The following PPM1H variants were observed in gnomAD, a reference collection of about 807,000 sequenced individuals.
PPM1H encodes protein phosphatase 1H.
A neutral mutation model predicts 54.9 loss-of-function variants in PPM1H; 27 were observed. The ratio of observed to expected loss-of-function variants is 0.49; its 90% CI spans 0.36 to 0.68. The LOEUF (loss-of-function observed/expected upper bound fraction) is 0.68. Among genes scored for constraint, PPM1H ranks in the 30% least tolerant of loss-of-function variants. The pLI is 0.00. For missense variants in PPM1H, 596 were observed against 667.8 expected, an observed-to-expected ratio of 0.89 and a Z score of 1.19; for synonymous variants, 305 against 270.8, an observed-to-expected ratio of 1.13 and a Z score of -1.24.
At chr12:62,909,765 G>A (rs977126513) in intron 1 of PPM1H, among the ~76,000 whole-genome samples, 1 of 152,174 alleles carries the variant, frequency 6.6e-6, no homozygotes, top group South Asian at 2.1e-4. Flanking sequence ...CTAGAATAGA[G>A]GCTGTCTGTG....
At chr12:62,904,260 A>G (rs1048679975) in intron 1 of PPM1H, among the ~76,000 whole-genome samples, 1 of 152,028 alleles carries the variant, frequency 6.6e-6, no homozygotes, top group Non-Finnish European at 1.5e-5. Context: ...TTTCTTTGAG[A>G]AAGAGTCTCA....
In PPM1H at chr12:62,803,850, C is replaced by A. The variant is rs530335882; in HGVS notation, c.412-1690G>T. Among the ~76,000 whole-genome samples the A allele has an allele frequency of 5.9e-5, 9 of 152,258 alleles. No individual in the cohort carries two copies. The South Asian group carries it at 1.9e-3, about 32-fold the overall frequency. ...AAATACACAAGAAACTCCTACAATT[C>A]TATTGCAAACAAAACAAAACAAGCA... On this transcript the variant is annotated intron_variant, in intron 2 of 9. Coordinates refer to ENST00000228705, the MANE Select transcript of PPM1H (RefSeq NM_020700.2).
chr12:62,652,618 C>T (rs952663555), intron 9 of PPM1H, among the ~76,000 whole-genome samples: 19 of 152,118 alleles, frequency 1.2e-4, no homozygotes, highest in African/African-American at 4.3e-4. Flanking sequence ...TTCCCCTCCC[C>T]CAACTGGATT....
chr12:62,832,090 A>T (rs769414025), intron 2 of PPM1H, 24 bp downstream of exon 2: 11 of 1,610,656 alleles, frequency 6.8e-6, no homozygotes, highest in Non-Finnish European at 9.3e-6. Flanking sequence ...TCACCTGAGA[A>T]CCAAGGATCG....
intron 3 of PPM1H, among the ~76,000 whole-genome samples, chr12:62,795,645 C>T (rs1222207120): frequency 1.3e-5 from 2 of 152,054 alleles, no homozygotes; most frequent in African/African-American, 2.4e-5. Context: ...GGGGTTTCAC[C>T]GTGGTCTCAA....
chr12:62,702,670 G>T (rs2076151111), intron 6 of PPM1H, among the ~76,000 whole-genome samples: 1 of 152,194 alleles, frequency 6.6e-6, no homozygotes, highest in Admixed American at 6.5e-5. Flanking sequence ...CCCCTCCGGG[G>T]GGTATAACAG....
chr12:62,837,416 G>A (rs369731366), intron 1 of PPM1H, among the ~76,000 whole-genome samples: 2 of 152,334 alleles, frequency 1.3e-5, no homozygotes, highest in East Asian at 3.9e-4. Context: ...AGGACAGATT[G>A]GACATTTTTG....
At chr12:62,903,725 ATGGGGTGGGGGAG>A (rs1377677122) in intron 1 of PPM1H, among the ~76,000 whole-genome samples, 4 of 143,290 alleles carry the variant, frequency 2.8e-5, no homozygotes, top group African/African-American at 1.0e-4. Flanking sequence ...TCTAGTTGCC[ATGGGGTGGGGGAG>A]TGGGGTGGGG....
At chr12:62,691,130 G>T (rs1017558599) in intron 7 of PPM1H, among the ~76,000 whole-genome samples, 3 of 152,198 alleles carry the variant, frequency 2.0e-5, no homozygotes, top group Non-Finnish European at 4.4e-5. Flanking sequence ...CTACTGAGAA[G>T]GCTCCACGGA....
intron 1 of PPM1H, among the ~76,000 whole-genome samples, chr12:62,841,088 A>C (rs1428937414): frequency 6.6e-6 from 1 of 152,118 alleles, no homozygotes; most frequent in East Asian, 1.9e-4. Flanking sequence ...CAGAATGAGG[A>C]GAATGAGGTG....
At chr12:62,716,731 T>C (rs1470415171) in intron 6 of PPM1H, among the ~76,000 whole-genome samples, 2 of 152,120 alleles carry the variant, frequency 1.3e-5, no homozygotes, top group Middle Eastern at 3.2e-3. Flanking sequence ...GGTCTCCTTA[T>C]GTTGCCCAGG....
intron 9 of PPM1H, chr12:62,658,966 C>T: frequency 1.4e-6 from 1 of 711,224 alleles, no homozygotes; most frequent in Non-Finnish European, 2.6e-6. Flanking sequence ...ATAGAAGGTT[C>T]AAAGGCTAGA....
In PPM1H at chr12:62,880,180, T is replaced by G. The variant is rs117902912; in HGVS notation, c.246-47901A>C. Reference sequence around the variant, plus strand: ...GCATATACACACACACATAAATACCTCTCTGATATAATTTAGATGTAATTT... The same window carrying G: ...GCATATACACACACACATAAATACCGCTCTGATATAATTTAGATGTAATTT... On this transcript the variant is annotated intron_variant, in intron 1 of 9. Coordinates refer to ENST00000228705, the MANE Select transcript of PPM1H (RefSeq NM_020700.2). Among the ~76,000 whole-genome samples, 848 of 152,248 alleles carry G rather than the reference T, an allele frequency of 5.6e-3. 9 individuals carry two copies. The highest frequency in any genetic ancestry group is 0.032 in the South Asian group (156 of 4,824).
At chr12:62,707,886 A>C (rs1490827375) in intron 6 of PPM1H, among the ~76,000 whole-genome samples, 2 of 152,172 alleles carry the variant, frequency 1.3e-5, no homozygotes, top group Non-Finnish European at 2.9e-5. Flanking sequence ...CTTTAGGTAC[A>C]GAGAGTGATA....
chr12:62,861,732 G>A (rs1424090012), intron 1 of PPM1H, among the ~76,000 whole-genome samples: 1 of 152,184 alleles, frequency 6.6e-6, no homozygotes, highest in Non-Finnish European at 1.5e-5. Context: ...GCAGGGCATA[G>A]ACCCAAACAT....
At chr12:62,756,441 A>G (rs1026397808) in intron 4 of PPM1H, among the ~76,000 whole-genome samples, 7 of 152,174 alleles carry the variant, frequency 4.6e-5, no homozygotes, top group African/African-American at 1.7e-4. Context: ...GCCAAAAAAA[A>G]AAAAATTGTA....
intron 6 of PPM1H, among the ~76,000 whole-genome samples, chr12:62,718,660 C>A (rs992527119): frequency 6.6e-6 from 1 of 152,168 alleles, no homozygotes; most frequent in Non-Finnish European, 1.5e-5. Flanking sequence ...GGGTTCCTAA[C>A]GTTCCATCTT....
intron 4 of PPM1H, among the ~76,000 whole-genome samples, chr12:62,761,953 C>T (rs1282641736): frequency 2.0e-5 from 3 of 152,138 alleles, no homozygotes; most frequent in Admixed American, 2.0e-4. Flanking sequence ...CAGGACCTGC[C>T]ATCTGTGGCC....
intron 6 of PPM1H, among the ~76,000 whole-genome samples, chr12:62,701,259 C>T (rs2076142326): frequency 6.6e-6 from 1 of 152,362 alleles, no homozygotes; most frequent in East Asian, 1.9e-4. Flanking sequence ...GATGCTCACT[C>T]ACAAGCACCC....
Sources: allele counts gnomAD v4.1 joint callset (sites outside exome capture counted in the v4.1 genomes callset), GRCh38; gene constraint gnomAD v4.1.1; transcripts MANE v1.5; gene names NCBI Gene and HGNC (gene_info 2026-07-23, HGNC 2026-07-21).